The following KCNIP1 variants were observed in gnomAD, a reference collection of about 807,000 sequenced individuals.
The protein encoded by KCNIP1 is potassium voltage-gated channel interacting protein 1.
In KCNIP1, 18 loss-of-function variants were observed where a neutral mutation model predicts 33.0. The ratio of observed to expected loss-of-function variants is 0.55; its 90% CI spans 0.38 to 0.81. The LOEUF is 0.81. Among genes scored for constraint, KCNIP1 ranks in the 30% least tolerant of loss-of-function variants. The pLI is 0.00. For synonymous variants in KCNIP1, 93 were observed against 98.3 expected, an observed-to-expected ratio of 0.95 and a Z score of 0.32; for missense variants, 238 against 271.6, an observed-to-expected ratio of 0.88 and a Z score of 0.87.
chr5:170,656,564 G>A (rs764363165), intron 1 of KCNIP1, among the ~76,000 whole-genome samples: 36 of 152,148 alleles, frequency 2.4e-4, no homozygotes, highest in Non-Finnish European at 4.3e-4. Context: ...AAGACCCTGT[G>A]AGCACCCACA....
At chr5:170,552,869 C>A (rs1244147547) in intron 1 of KCNIP1, among the ~76,000 whole-genome samples, 1 of 152,166 alleles carries the variant, frequency 6.6e-6, no homozygotes, top group East Asian at 1.9e-4. Context: ...GCTGTCCAGG[C>A]CAGCTGACGC....
intron 1 of KCNIP1, among the ~76,000 whole-genome samples, chr5:170,406,909 T>A (rs994251970): frequency 1.3e-5 from 2 of 152,058 alleles, no homozygotes; most frequent in African/African-American, 4.8e-5. Flanking sequence ...AGACCCCAAA[T>A]AAAAACCCCA....
At chr5:170,625,537 ACTC>A (rs1759788970) in intron 1 of KCNIP1, among the ~76,000 whole-genome samples, 1 of 151,784 alleles carries the variant, frequency 6.6e-6, no homozygotes, top group South Asian at 2.1e-4. Flanking sequence ...AGTGCTATCT[ACTC>A]CTCTGAATGC....
chr5:170,431,276 G>A (rs1463776644), intron 1 of KCNIP1, among the ~76,000 whole-genome samples: 1 of 152,232 alleles, frequency 6.6e-6, no homozygotes, highest in Non-Finnish European at 1.5e-5. Context: ...ATTGTGTGGA[G>A]TGAGTGAGGA....
At chr5:170,702,042 C>T (rs966270872) in intron 1 of KCNIP1, among the ~76,000 whole-genome samples, 3 of 152,168 alleles carry the variant, frequency 2.0e-5, no homozygotes, top group Admixed American at 2.0e-4. Flanking sequence ...AGCGGTTCCC[C>T]TAAAAACCTA....
At chr5:170,354,424 G>A (rs1318990313) in intron 1 of KCNIP1, among the ~76,000 whole-genome samples, 1 of 152,202 alleles carries the variant, frequency 6.6e-6, no homozygotes, top group Non-Finnish European at 1.5e-5. Flanking sequence ...CTTTGCCCTG[G>A]TGGCTTCAGA....
At chr5:170,517,012 G>C (rs557918674) in intron 1 of KCNIP1, among the ~76,000 whole-genome samples, 1 of 152,204 alleles carries the variant, frequency 6.6e-6, no homozygotes, top group East Asian at 1.9e-4. Flanking sequence ...GTTATTCGTG[G>C]TGGTAATTAT....
chr5:170,644,562 T>C (rs1366360468), intron 1 of KCNIP1, among the ~76,000 whole-genome samples: 8 of 152,148 alleles, frequency 5.3e-5, no homozygotes, highest in Non-Finnish European at 1.0e-4. Flanking sequence ...GGTCACCAAG[T>C]AAGCTCAAGA....
chr5:170,586,371 G>A (rs1757989937), intron 1 of KCNIP1, among the ~76,000 whole-genome samples: 2 of 152,204 alleles, frequency 1.3e-5, no homozygotes, highest in African/African-American at 4.8e-5. Context: ...TGATGATGAA[G>A]ATGCTGATGG....
intron 1 of KCNIP1, among the ~76,000 whole-genome samples, chr5:170,444,531 C>T (rs1481616948): frequency 1.3e-5 from 2 of 152,178 alleles, no homozygotes; most frequent in African/African-American, 2.4e-5. Context: ...AGGTAACATA[C>T]TCACAGGCAT....
intron 1 of KCNIP1, among the ~76,000 whole-genome samples, chr5:170,665,459 G>A (rs1761668563): frequency 1.3e-5 from 2 of 152,168 alleles, no homozygotes; most frequent in South Asian, 2.1e-4. Flanking sequence ...TTCCTATCTA[G>A]CTTTTCAAAA....
chr5:170,539,081 G>A (rs532891059), intron 1 of KCNIP1, among the ~76,000 whole-genome samples: 19 of 151,892 alleles, frequency 1.3e-4, no homozygotes, highest in Admixed American at 3.3e-4. Flanking sequence ...GTCTCATTTC[G>A]TCCACATCTC....
chr5:170,488,983 G>T (rs964619592), intron 1 of KCNIP1, among the ~76,000 whole-genome samples: 1 of 152,078 alleles, frequency 6.6e-6, no homozygotes, highest in Non-Finnish European at 1.5e-5. Flanking sequence ...CCAAGCCAGA[G>T]TGCAGAGCTG....
At position 170,547,888 on chromosome 5, in the gene KCNIP1, G is replaced by C. The variant is rs7726835; in HGVS notation, c.61+43255G>C. Among the ~76,000 whole-genome samples, 1,130 of 152,248 alleles carry C rather than the reference G, an allele frequency of 7.4e-3. 18 individuals are homozygous for C. The highest frequency in any genetic ancestry group is 0.025 in the African/African-American group (1,059 of 41,534). On this transcript the variant is annotated intron_variant, in intron 1 of 7. Coordinates refer to ENST00000328939, the MANE Select transcript of KCNIP1 (RefSeq NM_014592.4). ...TTCCATTCTTTTAGGTATATACCCAGTAGTGGGATTTCTGGGTCGAATAGT... is the reference window on the plus strand; with the variant it reads ...TTCCATTCTTTTAGGTATATACCCACTAGTGGGATTTCTGGGTCGAATAGT...
chr5:170,656,456 C>T (rs1417474463), intron 1 of KCNIP1, among the ~76,000 whole-genome samples: 2 of 152,198 alleles, frequency 1.3e-5, no homozygotes, highest in Non-Finnish European at 2.9e-5. Context: ...AAGGACAGAA[C>T]CCAGAGAGAC....
chr5:170,728,220 G>A (rs953749201), intron 5 of KCNIP1, among the ~76,000 whole-genome samples: 8 of 152,178 alleles, frequency 5.3e-5, no homozygotes, highest in Admixed American at 4.6e-4. Flanking sequence ...GGTAACACGC[G>A]GAGATTCTCA....
At chr5:170,420,540 A>AAT (rs1561617485) in intron 1 of KCNIP1, 2 of 151,880 alleles carry the variant, frequency 1.3e-5, no homozygotes, top group African/African-American at 2.4e-5. Flanking sequence ...ACTCAAAAAA[A>AAT]AAAAAAATAA....
intron 1 of KCNIP1, among the ~76,000 whole-genome samples, chr5:170,411,448 G>C (rs1755186488): frequency 6.6e-6 from 1 of 152,196 alleles, no homozygotes; most frequent in South Asian, 2.1e-4. Flanking sequence ...CAGAGAGTGA[G>C]AGAAAGAGAG....
chr5:170,427,667 G>T (rs1755644456), intron 1 of KCNIP1, among the ~76,000 whole-genome samples: 1 of 152,198 alleles, frequency 6.6e-6, no homozygotes, highest in Non-Finnish European at 1.5e-5. Flanking sequence ...CACCTTGCCG[G>T]CCTGCTGCTG....
Sources: allele counts gnomAD v4.1 joint callset (sites outside exome capture counted in the v4.1 genomes callset), GRCh38; gene constraint gnomAD v4.1.1; transcripts MANE v1.5; gene names NCBI Gene and HGNC (gene_info 2026-07-23, HGNC 2026-07-21).